LRRTM3: variants seen among roughly 807,000 people sequenced by gnomAD.
LRRTM3 encodes the protein leucine rich repeat transmembrane neuronal 3.
A neutral mutation model predicts 44.7 loss-of-function variants in LRRTM3; 24 were observed. That is an observed-to-expected ratio of 0.54 (90% CI 0.39 to 0.76). LRRTM3 has a LOEUF of 0.76. Among genes scored for constraint, LRRTM3 ranks in the 30% least tolerant of loss-of-function variants. The pLI is 0.00. For missense variants in LRRTM3, 587 were observed against 702.2 expected (o/e 0.84, Z 1.85); for synonymous variants, 277 against 278.7 (o/e 0.99, Z 0.06).
chr10:66,933,520 T>C (rs534255309), intron 2 of LRRTM3, among the ~76,000 whole-genome samples: 18 of 152,294 alleles, frequency 1.2e-4, no homozygotes, highest in African/African-American at 4.1e-4. Context: ...TATGGCAACA[T>C]GACATCATTA....
intron 2 of LRRTM3, among the ~76,000 whole-genome samples, chr10:66,951,543 T>C (rs550629535): frequency 3.2e-4 from 48 of 152,326 alleles, no homozygotes; most frequent in Admixed American, 3.1e-3. Context: ...ATAGGGAAAC[T>C]GGGCATAGAA....
At chr10:67,030,512 A>T (rs1853648822) in intron 2 of LRRTM3, among the ~76,000 whole-genome samples, 1 of 152,048 alleles carries the variant, frequency 6.6e-6, no homozygotes, top group African/African-American at 2.4e-5. Context: ...ATAAATACAT[A>T]AATTAATACT....
intron 2 of LRRTM3, among the ~76,000 whole-genome samples, chr10:66,953,993 T>G (rs1848668497): frequency 6.6e-6 from 1 of 152,170 alleles, no homozygotes; most frequent in Admixed American, 6.5e-5. Flanking sequence ...ACAAAATAAT[T>G]AGAACAAAGC....
intron 2 of LRRTM3, among the ~76,000 whole-genome samples, chr10:66,980,378 A>T (rs1850348783): frequency 6.6e-6 from 1 of 152,292 alleles, no homozygotes; most frequent in East Asian, 1.9e-4. Flanking sequence ...AGCAAACTAT[A>T]TAGGGAAGCC....
At chr10:67,090,315 G>A (rs538729679) in intron 2 of LRRTM3, among the ~76,000 whole-genome samples, 191 of 152,144 alleles carry the variant, frequency 1.3e-3, no homozygotes, top group Non-Finnish European at 2.1e-3. Context: ...CATAAACTAC[G>A]TTTCTTTCCT....
At chr10:66,993,915 T>C (rs972141906) in intron 2 of LRRTM3, among the ~76,000 whole-genome samples, 1 of 152,232 alleles carries the variant, frequency 6.6e-6, no homozygotes, top group East Asian at 1.9e-4. Context: ...TCCCAACATT[T>C]AGACTAAGCT....
chr10:67,021,217 G>GA (rs35352573), intron 2 of LRRTM3, among the ~76,000 whole-genome samples: 5 of 151,606 alleles, frequency 3.3e-5, no homozygotes, highest in East Asian at 3.9e-4. Flanking sequence ...ACAATACTGG[G>GA]AAAAAAAAGC....
chr10:66,945,878 C>A, intron 2 of LRRTM3, among the ~76,000 whole-genome samples: 1 of 152,102 alleles, frequency 6.6e-6, no homozygotes, highest in Non-Finnish European at 1.5e-5. Flanking sequence ...GTCAGTGAAG[C>A]GGTCAGGACA....
intron 2 of LRRTM3, among the ~76,000 whole-genome samples, chr10:67,081,141 T>C (rs148373244): frequency 7.5e-4 from 114 of 152,306 alleles, no homozygotes; most frequent in African/African-American, 2.6e-3. Context: ...ACAGAGCTTA[T>C]ACATTTTTGA....
At chr10:66,973,280 G>T (rs1184175282) in intron 2 of LRRTM3, among the ~76,000 whole-genome samples, 2 of 152,006 alleles carry the variant, frequency 1.3e-5, no homozygotes, top group African/African-American at 4.8e-5. Flanking sequence ...TTTTGAAAAA[G>T]AAAATTGACA....
intron 2 of LRRTM3, among the ~76,000 whole-genome samples, chr10:66,931,390 A>G (rs1225301350): frequency 6.6e-6 from 1 of 152,210 alleles, no homozygotes; most frequent in Non-Finnish European, 1.5e-5. Flanking sequence ...TCTTGTAAGC[A>G]ATACTTATGC....
intron 2 of LRRTM3, among the ~76,000 whole-genome samples, chr10:66,972,023 C>T (rs1168209979): frequency 6.6e-6 from 1 of 151,792 alleles, no homozygotes; most frequent in Non-Finnish European, 1.5e-5. Flanking sequence ...CCTCATTGTC[C>T]TTGAATCTAT....
chr10:67,080,344 T>C (rs1856984151), intron 2 of LRRTM3, among the ~76,000 whole-genome samples: 1 of 152,128 alleles, frequency 6.6e-6, no homozygotes, highest in Non-Finnish European at 1.5e-5. Flanking sequence ...CTGTTTACAA[T>C]GTAAGACAAA....
intron 2 of LRRTM3, among the ~76,000 whole-genome samples, chr10:67,041,306 A>C (rs1854379547): frequency 6.6e-6 from 1 of 152,104 alleles, no homozygotes; most frequent in Non-Finnish European, 1.5e-5. Context: ...TGGAGAGTTA[A>C]GGCTCCCCAA....
At chr10:66,987,816 G>A (rs1850818515) in intron 2 of LRRTM3, among the ~76,000 whole-genome samples, 1 of 152,118 alleles carries the variant, frequency 6.6e-6, no homozygotes, top group South Asian at 2.1e-4. Context: ...GATGGATTTT[G>A]ATCCAGATTT....
rs1284606581 is a variant in LRRTM3, at chr10:67,043,131, C to CT, written c.1537-54453dup. On this transcript the variant is annotated intron_variant, in intron 2 of 2. Transcript: ENST00000361320. ...GATTTCATGCCTCAAGGCTCACTTTCTTTCTTTTTTTTTTTTTTTTTCTGT... is the reference window on the plus strand; with the variant it reads ...GATTTCATGCCTCAAGGCTCACTTTCTTTTCTTTTTTTTTTTTTTTTTCTGT... Among the ~76,000 whole-genome samples, 5 of 60,206 alleles carry CT rather than the reference C, an allele frequency of 8.3e-5. 1 individual carries two copies. Among genetic ancestry groups the CT allele is most frequent in the Non-Finnish European group, 1.6e-4 (4 of 24,554 alleles). The allele number at this position is 60,206 out of a possible 152,430, so 39.5% of individuals were successfully genotyped here. A position where few individuals can be genotyped will look rare whatever the true frequency, so the allele number is the denominator to read the frequency against.
At chr10:67,069,504 A>G (rs926218066) in intron 2 of LRRTM3, among the ~76,000 whole-genome samples, 2 of 152,140 alleles carry the variant, frequency 1.3e-5, no homozygotes, top group East Asian at 3.9e-4. Flanking sequence ...GAATACATCT[A>G]TGTAAGCAAT....
At chr10:67,014,043 G>A (rs903014962) in intron 2 of LRRTM3, among the ~76,000 whole-genome samples, 3 of 152,158 alleles carry the variant, frequency 2.0e-5, no homozygotes, top group Non-Finnish European at 4.4e-5. Flanking sequence ...GACAAAAGGG[G>A]GAGTGTAAAA....
chr10:67,080,767 G>A (rs562335871), intron 2 of LRRTM3, among the ~76,000 whole-genome samples: 8 of 152,064 alleles, frequency 5.3e-5, no homozygotes, highest in South Asian at 4.2e-4. Flanking sequence ...AAATTAGCCC[G>A]GCGTGGTGGC....
Sources: allele counts gnomAD v4.1 joint callset (sites outside exome capture counted in the v4.1 genomes callset), GRCh38; gene constraint gnomAD v4.1.1; transcripts MANE v1.5; gene names NCBI Gene and HGNC (gene_info 2026-07-23, HGNC 2026-07-21).